MNAT1: variants seen among roughly 807,000 people sequenced by gnomAD.
The protein encoded by MNAT1 is CDK-activating kinase assembly factor MAT1.
In MNAT1, 43 loss-of-function variants were observed where a neutral mutation model predicts 42.0. That is an observed-to-expected ratio of 1.02 (90% CI 0.80 to 1.32). The LOEUF (loss-of-function observed/expected upper bound fraction) is 1.32, where lower values mean the gene tolerates loss of function less well. Among genes scored for constraint, MNAT1 ranks in the 40% most tolerant of loss-of-function variants. The probability of loss-of-function intolerance (pLI) is 0.00; values close to 1 mark genes in which losing one functional copy is unlikely to be tolerated. For missense variants in MNAT1, 306 were observed against 350.4 expected (o/e 0.87, Z 1.01); for synonymous variants, 118 against 120.0 (o/e 0.98, Z 0.11).
intron 1 of MNAT1, among the ~76,000 whole-genome samples, chr14:60,766,604 C>T (rs79251141): frequency 1.4e-4 from 21 of 150,292 alleles, no homozygotes; most frequent in Middle Eastern, 7.2e-3. Context: ...CCCAGCTACT[C>T]GGGAGGCTGA....
rs1169429243 is a variant in MNAT1, at chr14:60,869,023, C to CATATATATATATATATATATATATATAT, written c.688-10673_688-10672insATATATATATATATATATATATATATAT. On this transcript the variant is annotated intron_variant, in intron 6 of 7. Transcript: ENST00000261245. ...CTTTTTTATATTGTGTTATTTTATA[C>CATATATATATATATATATATATATATAT]ATATATATATATATATATTTTTTTT... Among the ~76,000 whole-genome samples the CATATATATATATATATATATATATATAT allele has an allele frequency of 1.3e-4, 13 of 101,766 alleles. 1 individual carries two copies. The highest frequency in any genetic ancestry group is 2.0e-4 in the Admixed American group (2 of 9,970). The allele number at this position is 101,766 out of a possible 152,430, so 66.8% of individuals were successfully genotyped here.
rs578207357 is a variant in MNAT1 at position 60,820,067 on chromosome 14, A to T, written c.687+1220A>T. Among the ~76,000 whole-genome samples, 9 of 152,218 alleles carry T rather than the reference A, an allele frequency of 5.9e-5. No individual in the cohort carries two copies. In the East Asian group the frequency reaches 1.7e-3, roughly 29 times the overall value. ...AATTCAAGATGATGGAGGTTGCAGAATCTTTGTTTGGCTTTTATCATTATA... is the reference window on the plus strand; with the variant it reads ...AATTCAAGATGATGGAGGTTGCAGATTCTTTGTTTGGCTTTTATCATTATA... On this transcript the variant is annotated intron_variant, in intron 6 of 7. Transcript: ENST00000261245.
intron 6 of MNAT1, among the ~76,000 whole-genome samples, chr14:60,827,651 A>C (rs1455857029): frequency 6.6e-6 from 1 of 152,208 alleles, no homozygotes; most frequent in Non-Finnish European, 1.5e-5. Flanking sequence ...TTAATATATA[A>C]TTTGCACTTA....
rs148124054 is a variant in MNAT1, at chr14:60,914,371, G to A, written c.809+34536G>A. ...CGGCACTTCCCTGTGAGATGAACCC[G>A]GTAGCTCAGTTGGAAATGCAGAAAT... is the stretch of plus-strand genomic sequence containing the variant. On this transcript the variant is annotated intron_variant, in intron 7 of 7. Transcript: ENST00000261245. 1.7e-3 allele frequency among the ~76,000 whole-genome samples: 265 copies of A among 152,266 alleles called. 1 individual carries two copies. Among genetic ancestry groups the A allele is most frequent in the Middle Eastern group, 0.01 (3 of 294 alleles).
At chr14:60,756,469 T>C (rs534884590) in intron 1 of MNAT1, among the ~76,000 whole-genome samples, 1 of 152,308 alleles carries the variant, frequency 6.6e-6, no homozygotes, top group Admixed American at 6.5e-5. Flanking sequence ...AGGCTGAATA[T>C]TCAAGAGTGA....
At position 60,900,937 on chromosome 14, in the gene MNAT1, A is replaced by G. The variant is rs1299539229; in HGVS notation, c.809+21102A>G. On this transcript the variant is annotated intron_variant, in intron 7 of 7. Transcript: ENST00000261245. ...GGGGAGGTTGAGGCTGCAGTGAGCC[A>G]TGATCATGTCACTGTACTCCAGCCT... Among the ~76,000 whole-genome samples the G allele has an allele frequency of 2.1e-5, 3 of 142,100 alleles. No individual in the cohort carries two copies. In the Admixed American group the frequency reaches 2.3e-4, roughly 11 times the overall value. The allele number at this position is 142,100 out of a possible 152,430, so 93.2% of individuals were successfully genotyped here. A position where few individuals can be genotyped will look rare whatever the true frequency, so the allele number is the denominator to read the frequency against.
Position 60,766,161 on chromosome 14 carries a change from A to G in MNAT1, c.90-30056A>G, listed in dbSNP as rs956158047. On this transcript the variant is annotated intron_variant, in intron 1 of 7. Coordinates refer to ENST00000261245, the MANE Select transcript of MNAT1 (RefSeq NM_002431.4). ...TCAGGAGTTTGAGACCGGCTTGGCC[A>G]AGGTGGTGAAACCCTGTCTCTACTA... 1.9e-4 allele frequency among the ~76,000 whole-genome samples: 29 copies of G among 152,050 alleles called. 1 individual carries two copies. The highest frequency in any genetic ancestry group is 7.0e-4 in the African/African-American group (29 of 41,496).
chr14:60,777,843 A>G (rs1307378162), intron 1 of MNAT1, among the ~76,000 whole-genome samples: 1 of 152,112 alleles, frequency 6.6e-6, no homozygotes, highest in African/African-American at 2.4e-5. Context: ...CTTCTAGTGG[A>G]AAGATTAGGA....
chr14:60,831,138 A>G (rs1295926395), intron 6 of MNAT1, among the ~76,000 whole-genome samples: 1 of 145,874 alleles, frequency 6.9e-6, no homozygotes, highest in African/African-American at 2.6e-5. Context: ...AAGTTCTGGG[A>G]TACATGTGGA....
chr14:60,842,839 C>G (rs1428349235), intron 6 of MNAT1, among the ~76,000 whole-genome samples: 1 of 152,104 alleles, frequency 6.6e-6, no homozygotes, highest in East Asian at 1.9e-4. Flanking sequence ...TATAGGCTTC[C>G]TTAATACAAG....
intron 1 of MNAT1, among the ~76,000 whole-genome samples, 185 bp from the exon 2 acceptor site, chr14:60,796,032 C>A (rs2032007245): frequency 2.0e-5 from 3 of 152,104 alleles, no homozygotes; most frequent in Admixed American, 6.5e-5. Context: ...ACTTGGGATA[C>A]CTATATCTGA....
At chr14:60,812,248 G>A (rs2032576468) in intron 5 of MNAT1, 121 bp downstream of exon 5, 3 of 947,336 alleles carry the variant, frequency 3.2e-6, no homozygotes, top group Non-Finnish European at 4.5e-6. Context: ...TTCACCTTTA[G>A]TTTTGTTGGT....
At chr14:60,851,872 G>T (rs2033831961) in intron 6 of MNAT1, among the ~76,000 whole-genome samples, 1 of 152,142 alleles carries the variant, frequency 6.6e-6, no homozygotes. Context: ...CCCTGCAAAG[G>T]ACATGAACTC....
intron 1 of MNAT1, among the ~76,000 whole-genome samples, chr14:60,765,291 A>G (rs2030769244): frequency 6.6e-6 from 1 of 152,148 alleles, no homozygotes; most frequent in South Asian, 2.1e-4. Flanking sequence ...ATCTCAAACA[A>G]ACGTCTCACT....
intron 7 of MNAT1, among the ~76,000 whole-genome samples, chr14:60,901,291 G>A (rs781444969): frequency 1.1e-4 from 17 of 152,006 alleles, no homozygotes; most frequent in South Asian, 6.2e-4. Context: ...TTACTGCTTC[G>A]GAAAAAAGAG....
chr14:60,877,487 A>G (rs1247883294), intron 6 of MNAT1, among the ~76,000 whole-genome samples: 1 of 152,092 alleles, frequency 6.6e-6, no homozygotes, highest in Non-Finnish European at 1.5e-5. Context: ...AAATAATAAA[A>G]TAGATAATGT....
intron 6 of MNAT1, among the ~76,000 whole-genome samples, chr14:60,821,674 C>T (rs1169286847): frequency 6.6e-6 from 1 of 152,138 alleles, no homozygotes; most frequent in African/African-American, 2.4e-5. Flanking sequence ...CTTCCCCTAA[C>T]ATTTTATATG....
intron 7 of MNAT1, among the ~76,000 whole-genome samples, chr14:60,887,812 A>G (rs1384077085): frequency 1.3e-5 from 2 of 152,150 alleles, no homozygotes; most frequent in Admixed American, 1.3e-4. Context: ...AGAGAATACT[A>G]CAAACACCTC....
rs562907423 is a variant in MNAT1 at position 60,851,062 on chromosome 14, C to A, written c.688-28652C>A. Among the ~76,000 whole-genome samples, 3 of 152,112 alleles carry A rather than the reference C, an allele frequency of 2.0e-5. No homozygotes were observed. In the South Asian group the frequency reaches 6.2e-4, roughly 32 times the overall value. On this transcript the variant is annotated intron_variant, in intron 6 of 7. Transcript: ENST00000261245. Reference sequence around the variant, plus strand: ...AACTTTATTCTTTTTTGGGTTCATACTTTATGGGAATTTCTATTAAGCAGA... The same window carrying A: ...AACTTTATTCTTTTTTGGGTTCATAATTTATGGGAATTTCTATTAAGCAGA...
Sources: gnomAD v4.1 joint callset for allele counts (sites outside exome capture counted in the v4.1 genomes callset) on GRCh38, gnomAD v4.1.1 for gene constraint, MANE v1.5 for transcripts, NCBI Gene and HGNC (gene_info 2026-07-23, HGNC 2026-07-21) for gene names.